The following RTN1 variants were observed in gnomAD, a reference collection of about 807,000 sequenced individuals.
RTN1 encodes the protein reticulon 1.
RTN1 carries 25 observed loss-of-function variants against 65.5 expected under a neutral mutation model. The ratio of observed to expected loss-of-function variants is 0.38; its 90% CI spans 0.28 to 0.53. The LOEUF is 0.53. RTN1 is among the 20% of genes least tolerant of loss of function. RTN1 has a pLI of 0.79. For synonymous variants in RTN1, 471 were observed against 447.6 expected, an observed-to-expected ratio of 1.05 and a Z score of -0.66; for missense variants, 983 against 1,025.4, an observed-to-expected ratio of 0.96 and a Z score of 0.57.
chr14:59,667,854 T>C (rs966190804), intron 3 of RTN1, among the ~76,000 whole-genome samples: 2 of 152,058 alleles, frequency 1.3e-5, no homozygotes, highest in Non-Finnish European at 2.9e-5. Flanking sequence ...CCATTCACAA[T>C]TGCTACAAAG....
At chr14:59,824,375 A>G (rs1317794309) in intron 1 of RTN1, among the ~76,000 whole-genome samples, 1 of 152,156 alleles carries the variant, frequency 6.6e-6, no homozygotes, top group Non-Finnish European at 1.5e-5. Context: ...GGGTCTGTGG[A>G]CCTTTGCTAA....
intron 1 of RTN1, among the ~76,000 whole-genome samples, chr14:59,812,010 C>A (rs947874430): frequency 1.3e-5 from 2 of 152,206 alleles, no homozygotes; most frequent in Non-Finnish European, 1.5e-5. Context: ...ATAGCATTCA[C>A]TGAATAGCAC....
chr14:59,807,817 A>G (rs573592221), intron 1 of RTN1, among the ~76,000 whole-genome samples: 12 of 152,364 alleles, frequency 7.9e-5, no homozygotes, highest in African/African-American at 2.9e-4. Context: ...ATCCAAAAAG[A>G]AGGAAAAACT....
intron 8 of RTN1, among the ~76,000 whole-genome samples, chr14:59,600,369 G>A (rs750056260): frequency 2.0e-5 from 3 of 152,098 alleles, no homozygotes; most frequent in Non-Finnish European, 2.9e-5. Context: ...AACCCTGTGT[G>A]GTATTAACAT....
At chr14:59,685,266 A>G (rs1883823800) in intron 3 of RTN1, among the ~76,000 whole-genome samples, 1 of 152,216 alleles carries the variant, frequency 6.6e-6, no homozygotes, top group Admixed American at 6.5e-5. Context: ...CAAGACAAAG[A>G]TGACCACTCT....
intron 1 of RTN1, among the ~76,000 whole-genome samples, chr14:59,749,349 T>G (rs1456850556): frequency 1.6e-5 from 1 of 63,390 alleles, no homozygotes. Context: ...TATATATATC[T>G]ATATATATCT....
chr14:59,746,943 A>T (rs1027609325), intron 1 of RTN1, among the ~76,000 whole-genome samples: 1 of 152,138 alleles, frequency 6.6e-6, no homozygotes, highest in Non-Finnish European at 1.5e-5. Context: ...TGGAAATTCA[A>T]TGGCTGGGAG....
intron 1 of RTN1, among the ~76,000 whole-genome samples, chr14:59,835,147 A>G (rs1001900501): frequency 5.9e-5 from 9 of 152,202 alleles, no homozygotes; most frequent in Non-Finnish European, 1.2e-4. Flanking sequence ...ATGTATCCAT[A>G]CAATGCAGTA....
rs534684780 is a variant in RTN1, at chr14:59,689,872, G to T, written c.1765+37047C>A. ...CCACAAAAATAAACTTAAGTACACAGCCCACAGACCCTATAAAGCAGCTAC... is the reference window on the plus strand; with the variant it reads ...CCACAAAAATAAACTTAAGTACACATCCCACAGACCCTATAAAGCAGCTAC... On this transcript the variant is annotated intron_variant, in intron 3 of 8. Transcript: ENST00000267484. Among the ~76,000 whole-genome samples the T allele has an allele frequency of 2.2e-3, 339 of 152,178 alleles. 1 individual carries two copies. Among genetic ancestry groups the T allele is most frequent in the Non-Finnish European group, 3.9e-3 (263 of 68,002 alleles).
At chr14:59,833,091 A>C (rs1311633905) in intron 1 of RTN1, among the ~76,000 whole-genome samples, 1 of 152,196 alleles carries the variant, frequency 6.6e-6, no homozygotes, top group Non-Finnish European at 1.5e-5. Flanking sequence ...AAAATAACTC[A>C]AATCAAGAAA....
chr14:59,745,348 G>A (rs562703135), intron 2 of RTN1, among the ~76,000 whole-genome samples: 2 of 152,248 alleles, frequency 1.3e-5, no homozygotes, highest in African/African-American at 2.4e-5. Context: ...CCAGATCCTA[G>A]CCGAAAGCTA....
At chr14:59,856,712 G>A (rs1003734846) in intron 1 of RTN1, among the ~76,000 whole-genome samples, 2 of 152,192 alleles carry the variant, frequency 1.3e-5, no homozygotes, top group African/African-American at 4.8e-5. Flanking sequence ...CTATTTGGCT[G>A]AGGTCCAGCT....
chr14:59,708,370 CATG>C lies in RTN1; in HGVS notation c.1765+18546_1765+18548del, dbSNP rs1189945230. On this transcript the variant is annotated intron_variant, in intron 3 of 8. Coordinates refer to ENST00000267484, the MANE Select transcript of RTN1 (RefSeq NM_021136.3). ...TTTTTCTCCTTTCCAAATACCTTTG[CATG>C]ATATTTTCAGATAATGTTGAAATAC... is the stretch of plus-strand genomic sequence containing the variant. Among the ~76,000 whole-genome samples the C allele has an allele frequency of 5.9e-5, 9 of 152,240 alleles. No homozygotes were observed. The East Asian group carries it at 1.7e-3, about 29-fold the overall frequency.
chr14:59,730,332 A>T (rs1337703913), intron 2 of RTN1, among the ~76,000 whole-genome samples: 4 of 152,236 alleles, frequency 2.6e-5, no homozygotes, highest in African/African-American at 9.6e-5. Flanking sequence ...AAGAAAAAGA[A>T]TGAAATTAAA....
intron 1 of RTN1, among the ~76,000 whole-genome samples, chr14:59,747,650 C>A (rs760410020): frequency 1.3e-5 from 2 of 152,188 alleles, no homozygotes; most frequent in African/African-American, 4.8e-5. Context: ...AAACCCTCCA[C>A]TGTTTTACTT....
Position 59,745,690 on chromosome 14 carries a change from C to T in RTN1, c.1015+18G>A, listed in dbSNP as rs757282407. 12 of 1,547,892 alleles carry T rather than the reference C, an allele frequency of 7.8e-6. No individual in the cohort carries two copies. In the African/African-American group the frequency reaches 1.7e-4, roughly 21 times the overall value. Reference sequence around the variant, plus strand: ...ATATGCTGGGTTTTCCTAAGTCAAGCAATAACAGGGCCTTTACCTGTTCCA... The same window carrying T: ...ATATGCTGGGTTTTCCTAAGTCAAGTAATAACAGGGCCTTTACCTGTTCCA... On this transcript the variant is annotated intron_variant, in intron 2 of 8. Transcript: ENST00000267484.
intron 3 of RTN1, among the ~76,000 whole-genome samples, chr14:59,656,307 A>C (rs1883122159): frequency 6.6e-6 from 1 of 152,216 alleles, no homozygotes; most frequent in South Asian, 2.1e-4. Flanking sequence ...AACTTTGTGA[A>C]TATGCTAAAA....
intron 1 of RTN1, among the ~76,000 whole-genome samples, chr14:59,822,064 G>C (rs894969593): frequency 2.6e-5 from 4 of 152,078 alleles, no homozygotes; most frequent in Non-Finnish European, 5.9e-5. Flanking sequence ...TCAGTTTCTT[G>C]GAATAATTTC....
At chr14:59,630,904 G>T in intron 3 of RTN1, 1 of 948,506 alleles carries the variant, frequency 1.1e-6, no homozygotes, top group Non-Finnish European at 1.3e-6. Context: ...AGGAGGACTT[G>T]GGCTGTTCCT....
Sources: allele counts gnomAD v4.1 joint callset (sites outside exome capture counted in the v4.1 genomes callset), GRCh38; gene constraint gnomAD v4.1.1; transcripts MANE v1.5; gene names NCBI Gene and HGNC (gene_info 2026-07-23, HGNC 2026-07-21).